DOCK3: variants seen among roughly 807,000 people sequenced by gnomAD.
DOCK3 encodes the protein dedicator of cytokinesis 3.
A neutral mutation model predicts 265.6 loss-of-function variants in DOCK3; 60 were observed. That is an observed-to-expected ratio of 0.23 (90% CI 0.18 to 0.28). The LOEUF (loss-of-function observed/expected upper bound fraction) is 0.28. Among genes scored for constraint, DOCK3 ranks in the 10% least tolerant of loss-of-function variants. The probability of loss-of-function intolerance (pLI) is 1.00; values close to 1 mark genes in which losing one functional copy is unlikely to be tolerated. For missense variants in DOCK3, 1,981 were observed against 2,594.3 expected, an observed-to-expected ratio of 0.76 and a Z score of 5.14; for synonymous variants, 881 against 938.0, an observed-to-expected ratio of 0.94 and a Z score of 1.11.
intron 9 of DOCK3, among the ~76,000 whole-genome samples, chr3:51,123,341 T>G (rs2084118431): frequency 6.6e-6 from 1 of 152,202 alleles, no homozygotes; most frequent in Non-Finnish European, 1.5e-5. Context: ...CTATATTCTT[T>G]GAGGGTTGCA....
intron 2 of DOCK3, among the ~76,000 whole-genome samples, chr3:50,830,725 G>A (rs2045092492): frequency 6.6e-6 from 1 of 152,066 alleles, no homozygotes; most frequent in Non-Finnish European, 1.5e-5. Context: ...TGGCTCTTTG[G>A]GATAGTATAA....
chr3:51,331,480 C>G (rs1476621095), intron 33 of DOCK3, among the ~76,000 whole-genome samples: 3 of 151,256 alleles, frequency 2.0e-5, no homozygotes, highest in Admixed American at 6.6e-5. Flanking sequence ...TAAAATCAGT[C>G]TAAGAACTGA....
chr3:51,370,105 A>G (rs964583925), intron 49 of DOCK3, among the ~76,000 whole-genome samples: 2 of 152,230 alleles, frequency 1.3e-5, no homozygotes, highest in Non-Finnish European at 2.9e-5. Flanking sequence ...AGGAGCAGTG[A>G]TATGTGTTAT....
intron 4 of DOCK3, among the ~76,000 whole-genome samples, chr3:50,895,404 A>G (rs146803614): frequency 2.3e-4 from 34 of 150,474 alleles, no homozygotes; most frequent in Middle Eastern, 3.4e-3. Flanking sequence ...TTTTTTTTTT[A>G]AGGAAATTAT....
At chr3:51,147,610 G>A (rs1483684604) in intron 10 of DOCK3, among the ~76,000 whole-genome samples, 1 of 152,148 alleles carries the variant, frequency 6.6e-6, no homozygotes, top group Non-Finnish European at 1.5e-5. Context: ...CTGTCCTTGT[G>A]ATAGTTTGCT....
chr3:51,199,163 C>T (rs1259365071), intron 12 of DOCK3, among the ~76,000 whole-genome samples: 1 of 152,198 alleles, frequency 6.6e-6, no homozygotes, highest in Non-Finnish European at 1.5e-5. Flanking sequence ...GTTCATCTCA[C>T]TAGGGAGTGC....
chr3:50,993,215 T>A (rs2078171627), intron 5 of DOCK3, among the ~76,000 whole-genome samples: 2 of 152,194 alleles, frequency 1.3e-5, no homozygotes, highest in South Asian at 4.1e-4. Flanking sequence ...TCTGTCCCCT[T>A]GGCTAAAAGA....
At chr3:51,310,419 CAAAT>C (rs1482618765) in intron 28 of DOCK3, 93 bp downstream of exon 28, 3 of 1,147,460 alleles carry the variant, frequency 2.6e-6, no homozygotes, top group East Asian at 2.6e-5. Flanking sequence ...ATGAGCAAGA[CAAAT>C]AAAGGCCAGG....
rs552435617 is a variant in DOCK3, at chr3:50,912,433, C to T, written c.219-21548C>T. On this transcript the variant is annotated intron_variant, in intron 4 of 52. Coordinates refer to ENST00000266037, the MANE Select transcript of DOCK3 (RefSeq NM_004947.5). ...AATGTCACCCAAGGACTACTATAAC[C>T]ACTCCCTGGCTACTGTGTATGTTTG... 7.4e-4 allele frequency among the ~76,000 whole-genome samples: 112 copies of T among 152,156 alleles called. 2 individuals carry two copies. The highest frequency in any genetic ancestry group is 2.7e-3 in the African/African-American group (110 of 41,448).
intron 5 of DOCK3, among the ~76,000 whole-genome samples, chr3:51,008,138 GT>G (rs1209851913): frequency 1.3e-5 from 2 of 152,034 alleles, no homozygotes; most frequent in African/African-American, 2.4e-5. Context: ...CATTAAAGTA[GT>G]TTTTTTTCCA....
chr3:50,961,226 C>T (rs1378136958), intron 5 of DOCK3, among the ~76,000 whole-genome samples: 1 of 152,030 alleles, frequency 6.6e-6, no homozygotes, highest in Non-Finnish European at 1.5e-5. Context: ...TTAGGATCAG[C>T]TTGTCAAAAA....
At chr3:51,196,660 A>G (rs1321388193) in intron 12 of DOCK3, among the ~76,000 whole-genome samples, 9 of 152,192 alleles carry the variant, frequency 5.9e-5, no homozygotes, top group African/African-American at 2.2e-4. Context: ...TGCCTATTCT[A>G]GTCTATTACA....
At chr3:51,322,946 G>A (rs1465447529) in intron 32 of DOCK3, among the ~76,000 whole-genome samples, 5 of 55,034 alleles carry the variant, frequency 9.1e-5, no homozygotes, top group South Asian at 1.5e-3. Flanking sequence ...CAAAATAGAG[G>A]CATGCTTACC....
chr3:50,977,689 C>G (rs2077511022), intron 5 of DOCK3, among the ~76,000 whole-genome samples: 1 of 152,074 alleles, frequency 6.6e-6, no homozygotes, highest in African/African-American at 2.4e-5. Flanking sequence ...GAACGTTGGC[C>G]TGCCTTGCTA....
intron 7 of DOCK3, among the ~76,000 whole-genome samples, chr3:51,081,662 AAGGC>A (rs1038605169): frequency 2.6e-4 from 40 of 152,142 alleles, no homozygotes; most frequent in African/African-American, 9.2e-4. Flanking sequence ...TTGGGAGGCC[AAGGC>A]AGACAGATCA....
At chr3:51,082,886 G>A (rs1214510632) in intron 7 of DOCK3, among the ~76,000 whole-genome samples, 3 of 152,114 alleles carry the variant, frequency 2.0e-5, no homozygotes, top group African/African-American at 4.8e-5. Flanking sequence ...GATCAGCCTG[G>A]TGAAACTGCC....
chr3:51,038,324 A>C (rs1355510825), intron 5 of DOCK3, among the ~76,000 whole-genome samples: 1 of 152,168 alleles, frequency 6.6e-6, no homozygotes, highest in Non-Finnish European at 1.5e-5. Flanking sequence ...AGAATTTAAG[A>C]TTGGGTGAGA....
Position 51,016,790 on chromosome 3 carries a change from ATATATATGATATATGTTTATATATAT to A in DOCK3, c.316-47657_316-47632del, listed in dbSNP as rs2079325553. On this transcript the variant is annotated intron_variant, in intron 5 of 52. Transcript: ENST00000266037. ...ATATGTTTATATATATCATATATAAATATATATGATATATGTTTATATATATCATATATAAATATATATGATATATG... is the reference window on the plus strand; with the variant it reads ...ATATGTTTATATATATCATATATAAACATATATAAATATATATGATATATG... Among the ~76,000 whole-genome samples the A allele has an allele frequency of 6.9e-4, 2 of 2,904 alleles. 1 individual carries two copies. Among genetic ancestry groups the A allele is most frequent in the Non-Finnish European group, 1.6e-3 (2 of 1,226 alleles). The allele number at this position is 2,904 out of a possible 152,430, so 1.9% of individuals were successfully genotyped here.
In DOCK3 at chr3:50,877,918, C is replaced by T. The variant is rs1032302841; in HGVS notation, c.163-12108C>T. Among the ~76,000 whole-genome samples the T allele has an allele frequency of 1.2e-4, 18 of 152,154 alleles. No individual in the cohort carries two copies. The East Asian group carries it at 1.5e-3, about 13-fold the overall frequency. On this transcript the variant is annotated intron_variant, in intron 3 of 52. Coordinates refer to ENST00000266037, the MANE Select transcript of DOCK3 (RefSeq NM_004947.5). ...AATACAGCCAGGTGCCCCTCTGAGA[C>T]GAAGCTTCCAGAGGAAGGATCAGGC...
Sources: gnomAD v4.1 joint callset for allele counts (sites outside exome capture counted in the v4.1 genomes callset) on GRCh38, gnomAD v4.1.1 for gene constraint, MANE v1.5 for transcripts, NCBI Gene and HGNC (gene_info 2026-07-23, HGNC 2026-07-21) for gene names.